HSP90B1: variants seen among roughly 807,000 people sequenced by gnomAD.
The protein encoded by HSP90B1 is heat shock protein 90 beta family member 1, also known as endoplasmin.
HSP90B1 carries 27 observed loss-of-function variants against 100.4 expected under a neutral mutation model. That is an observed-to-expected ratio of 0.27 (90% CI 0.20 to 0.37). HSP90B1 has a LOEUF of 0.37. Ranked by LOEUF, HSP90B1 falls within the 10% of genes least tolerant of loss-of-function variation. The probability of loss-of-function intolerance (pLI) is 1.00; values close to 1 mark genes in which losing one functional copy is unlikely to be tolerated. For missense variants in HSP90B1, 678 were observed against 960.5 expected, an observed-to-expected ratio of 0.71 and a Z score of 3.89; for synonymous variants, 304 against 330.8, an observed-to-expected ratio of 0.92 and a Z score of 0.88.
chr12:103,943,401 C>A lies in HSP90B1; in HGVS notation c.1890+82C>A. 2 of 1,338,944 alleles carry A rather than the reference C, an allele frequency of 1.5e-6. No individual in the cohort carries two copies. Among genetic ancestry groups the A allele is most frequent in the Non-Finnish European group, 1.1e-6 (1 of 946,366 alleles). The allele number at this position is 1,338,944 out of a possible 1,614,324, so 82.9% of individuals were successfully genotyped here. On this transcript the variant is annotated intron_variant, in intron 13 of 17. Coordinates refer to ENST00000299767, the MANE Select transcript of HSP90B1 (RefSeq NM_003299.3). This position sits in a 1 kb window ranked among gnomAD's most constrained non-coding sequence, Gnocchi z 5.3. ...ATTTTGTGAACAAATTAAGCTGCAG[C>A]TGGTTACTTTGTAACCATTAGAATG...
chr12:103,947,092 G>A, intron 16 of HSP90B1, 151 bp downstream of exon 16: 1 of 1,055,990 alleles, frequency 9.5e-7, no homozygotes, highest in Non-Finnish European at 1.4e-6. Context: ...TTGAATCCCT[G>A]TAGTGTCAGG....
chr12:103,931,661 G>A (rs572450245), intron 2 of HSP90B1, 38 bp downstream of exon 2: 5 of 1,433,108 alleles, frequency 3.5e-6, no homozygotes, highest in Non-Finnish European at 4.9e-6. Flanking sequence ...CAGATAAGCC[G>A]TGTGAACCTT....
chr12:103,930,460 G>T lies in HSP90B1; in HGVS notation c.-56G>T. On this transcript the variant is annotated 5_prime_UTR_variant, in exon 1 of 18. Coordinates refer to ENST00000299767, the MANE Select transcript of HSP90B1 (RefSeq NM_003299.3). This position sits in a 1 kb window ranked among gnomAD's most constrained non-coding sequence, Gnocchi z 4.4. ...TGTGAGGATCCGAACCCAGGGGTGG[G>T]GGGTGGAGGCGGCTCCTGCGATCGA... The T allele has an allele frequency of 1.4e-6, 2 of 1,434,014 alleles. No homozygotes were observed. The highest frequency in any genetic ancestry group is 1.9e-6 in the Non-Finnish European group (2 of 1,053,194). 88.8% of individuals were successfully genotyped at this position (1,434,014 alleles called of 1,614,324 possible). A position where few individuals can be genotyped will look rare whatever the true frequency, so the allele number is the denominator to read the frequency against.
rs778318247 is a variant in HSP90B1, at chr12:103,930,454, G to T, written c.-62G>T. 1 of 1,159,972 alleles carries T rather than the reference G, an allele frequency of 8.6e-7. No homozygotes were observed. The highest frequency in any genetic ancestry group is 1.2e-6 in the Non-Finnish European group (1 of 843,340). The allele number at this position is 1,159,972 out of a possible 1,614,324, so 71.9% of individuals were successfully genotyped here. A position where few individuals can be genotyped will look rare whatever the true frequency, so the allele number is the denominator to read the frequency against. ...TGGAGGTGTGAGGATCCGAACCCAGGGGTGGGGGGTGGAGGCGGCTCCTGC... is the reference window on the plus strand; with the variant it reads ...TGGAGGTGTGAGGATCCGAACCCAGTGGTGGGGGGTGGAGGCGGCTCCTGC... On this transcript the variant is annotated 5_prime_UTR_variant, in exon 1 of 18. Coordinates refer to ENST00000299767, the MANE Select transcript of HSP90B1 (RefSeq NM_003299.3). The surrounding 1 kb of genome is among the most constrained non-coding windows in gnomAD (Gnocchi z 4.4).
In HSP90B1 at chr12:103,939,517, A is replaced by T; in HGVS notation, c.984A>T (p.Lys328Asn). The change falls in exon 8 of 18, where the codon AAA becomes AAT. Residue 328 changes from lysine (K) to asparagine (N), a missense_variant. Transcript: ENST00000299767. ...EKKPKTKKVE[K>N]TVWDWELMND... ...TACTATAATAACTTCAGGTTGAAAA[A>T]ACTGTCTGGGACTGGGAACTTATGA... The T allele has an allele frequency of 6.5e-7, 1 of 1,539,252 alleles. No individual in the cohort carries two copies. Among genetic ancestry groups the T allele is most frequent in the Non-Finnish European group, 8.8e-7 (1 of 1,139,020 alleles).
chr12:103,934,042 A>G lies in HSP90B1; in HGVS notation c.498A>G (p.Ile166Met), dbSNP rs762737984. 5 of 1,614,124 alleles carry G rather than the reference A, an allele frequency of 3.1e-6. No individual in the cohort carries two copies. In the Admixed American group the frequency reaches 8.3e-5, roughly 27 times the overall value. The change falls in exon 5 of 18, where the codon ATA becomes ATG. Residue 166 changes from isoleucine (I) to methionine (M), a missense_variant. Ile to Met is a conservative substitution (Grantham distance 10). Transcript: ENST00000299767. Reference protein sequence around the residue: ...REELVKNLGTIAKSGTSEFLN... With the variant: ...REELVKNLGTMAKSGTSEFLN... ...AGTTGGTTAAAAACCTTGGTACCAT[A>G]GCCAAATCTGGGACAAGCGAGTTTT...
At chr12:103,937,100 A>G (rs902209761) in intron 5 of HSP90B1, among the ~76,000 whole-genome samples, 20 of 152,244 alleles carry the variant, frequency 1.3e-4, no homozygotes, top group African/African-American at 4.6e-4. Flanking sequence ...GAAATGTTCT[A>G]TATCTGCACT....
chr12:103,942,775 G>T lies in HSP90B1; in HGVS notation c.1623G>T (p.Met541Ile), dbSNP rs765949732. ...AAAAACAAGACAAAATCTACTTCAT[G>T]GCTGGGTCCAGCAGAAAAGAGGTGA... Reference protein sequence around the residue: ...MKEKQDKIYFMAGSSRKEAES... With the variant: ...MKEKQDKIYFIAGSSRKEAES... Residue 541 changes from methionine (M) to isoleucine (I), a missense_variant, in exon 12 of 18, where the codon ATG (methionine) becomes ATT (isoleucine). Met to Ile is a conservative substitution (Grantham distance 10, BLOSUM62 1). Coordinates refer to ENST00000299767, the MANE Select transcript of HSP90B1 (RefSeq NM_003299.3). The T allele has an allele frequency of 1.2e-6, 2 of 1,613,880 alleles. No individual in the cohort carries two copies. The highest frequency in any genetic ancestry group is 8.5e-7 in the Non-Finnish European group (1 of 1,179,814).
At chr12:103,945,813 A>G (rs1000851766) in intron 14 of HSP90B1, among the ~76,000 whole-genome samples, 18 of 152,326 alleles carry the variant, frequency 1.2e-4, no homozygotes, top group African/African-American at 1.7e-4. Context: ...GGCTGGGCAC[A>G]TGGCTCACGT....
At chr12:103,938,934 T>C (rs1351031383) in intron 7 of HSP90B1, among the ~76,000 whole-genome samples, 3 of 152,176 alleles carry the variant, frequency 2.0e-5, no homozygotes, top group African/African-American at 7.2e-5. Context: ...AAAACAAATA[T>C]TTTCAAGAAA....
chr12:103,941,188 T>C (rs1487854254), intron 8 of HSP90B1, among the ~76,000 whole-genome samples: 1 of 152,212 alleles, frequency 6.6e-6, no homozygotes, highest in Admixed American at 6.5e-5. Context: ...AAAACAACCA[T>C]GTCTAGTGAA....
At position 103,930,689 on chromosome 12, in the gene HSP90B1, T is replaced by G; in HGVS notation, c.49+125T>G. The stretch of plus-strand genomic sequence containing the variant: ...TGCGGTGGGCCAAGGGACGTCACCA[T>G]TCCTCGAAAGAGGGCAAGGGAATTA... On this transcript the variant is annotated intron_variant, in intron 1 of 17. Transcript: ENST00000299767. This position sits in a 1 kb window ranked among gnomAD's most constrained non-coding sequence, Gnocchi z 4.4. 2 of 789,454 alleles carry G rather than the reference T, an allele frequency of 2.5e-6. No individual in the cohort carries two copies. Among genetic ancestry groups the G allele is most frequent in the Non-Finnish European group, 4.0e-6 (2 of 497,826 alleles). The allele number at this position is 789,454 out of a possible 1,614,324, so 48.9% of individuals were successfully genotyped here. A position where few individuals can be genotyped will look rare whatever the true frequency, so the allele number is the denominator to read the frequency against.
rs1201598114 is a variant in HSP90B1 at position 103,930,544 on chromosome 12, G to C, written c.29G>C (p.Cys10Ser). Residue 10 changes from cysteine to serine, a missense_variant, in exon 1 of 18, where the codon TGC becomes TCC. By Grantham distance (112) the Cys-to-Ser change is moderately radical. Coordinates refer to ENST00000299767, the MANE Select transcript of HSP90B1 (RefSeq NM_003299.3). This position sits in a 1 kb window ranked among gnomAD's most constrained non-coding sequence, Gnocchi z 4.4. ...AGGGCCCTGTGGGTGCTGGGCCTCTGCTGCGTCCTGCTGACCTTCGGTGAG... is the reference window on the plus strand; with the variant it reads ...AGGGCCCTGTGGGTGCTGGGCCTCTCCTGCGTCCTGCTGACCTTCGGTGAG... The part of the protein sequence containing the change: MRALWVLGL[C>S]CVLLTFGSVR... 2.5e-6 allele frequency: 4 copies of C among 1,610,806 alleles called. No individual in the cohort carries two copies. The highest frequency in any genetic ancestry group is 2.2e-5 in the South Asian group (2 of 90,502).
intron 4 of HSP90B1, 131 bp from the exon 5 acceptor site, chr12:103,933,825 G>T: frequency 1.5e-6 from 1 of 672,538 alleles, no homozygotes. Context: ...AAAAAACTAT[G>T]TGGAGGAAAA....
rs1378649747 is a variant in HSP90B1 at position 103,939,589 on chromosome 12, A to T, written c.1056A>T (p.Glu352Asp). 4 of 1,569,568 alleles carry T rather than the reference A, an allele frequency of 2.5e-6. No individual in the cohort carries two copies. Among genetic ancestry groups the T allele is most frequent in the African/African-American group, 2.7e-5 (2 of 72,988 alleles). ...AGAGACCATCAAAAGAAGTAGAAGAAGATGAATACAAAGCTTTCTACAAAT... is the reference window on the plus strand; with the variant it reads ...AGAGACCATCAAAAGAAGTAGAAGATGATGAATACAAAGCTTTCTACAAAT... The part of the protein sequence containing the change: ...IWQRPSKEVE[E>D]DEYKAFYKSF... The change falls in exon 8 of 18, where the codon GAA becomes GAT. Residue 352 changes from glutamate to aspartate, a missense_variant. Physicochemically the swap from Glu to Asp is conservative, Grantham distance 45 (BLOSUM62 2). Coordinates refer to ENST00000299767, the MANE Select transcript of HSP90B1 (RefSeq NM_003299.3).
chr12:103,934,167 A>G lies in HSP90B1; in HGVS notation c.623A>G (p.Lys208Arg). ...TATTCCGCCTTCCTTGTAGCAGATA[A>G]GGTTATTGTCACTTCAAAACACAAC... Reference protein sequence around the residue: ...GFYSAFLVADKVIVTSKHNND... With the variant: ...GFYSAFLVADRVIVTSKHNND... Residue 208 changes from lysine (K) to arginine (R), a missense_variant, in exon 5 of 18, where the codon AAG becomes AGG. This residue lies in a region of HSP90B1 where 238 missense variants were observed against 346.7 expected (regional missense o/e 0.69). Coordinates refer to ENST00000299767, the MANE Select transcript of HSP90B1 (RefSeq NM_003299.3). 1 of 1,614,202 alleles carries G rather than the reference A, an allele frequency of 6.2e-7. No individual in the cohort carries two copies. Among genetic ancestry groups the G allele is most frequent in the Non-Finnish European group, 8.5e-7 (1 of 1,180,038 alleles).
chr12:103,946,748 CT>C, intron 15 of HSP90B1, 37 bp from the exon 16 acceptor site: 1 of 1,612,852 alleles, frequency 6.2e-7, no homozygotes, highest in South Asian at 1.1e-5. Flanking sequence ...TACTTTGTAT[CT>C]TTTAATATTA....
chr12:103,946,507 ATTTT>A (rs374207514), intron 14 of HSP90B1, 107 bp from the exon 15 acceptor site: 2 of 492,656 alleles, frequency 4.1e-6, no homozygotes, highest in African/African-American at 4.1e-5. Context: ...GTACATTTTG[ATTTT>A]TTTTTTTTAC....
At chr12:103,945,935 G>C (rs569139747) in intron 14 of HSP90B1, among the ~76,000 whole-genome samples, 9 of 152,098 alleles carry the variant, frequency 5.9e-5, no homozygotes, top group Admixed American at 5.9e-4. Flanking sequence ...ACTAAATAAG[G>C]AAACAGTGCA....
Sources: gnomAD v4.1 joint callset for allele counts (sites outside exome capture counted in the v4.1 genomes callset) on GRCh38, gnomAD v4.1.1 for gene constraint, gnomAD v4.1.1 regional missense constraint, Gnocchi (gnomAD v3.1) non-coding constraint, MANE v1.5 for transcripts, NCBI Gene and HGNC (gene_info 2026-07-23, HGNC 2026-07-21) for gene names.